The following IL1RAPL2 variants were observed in gnomAD, a reference collection of about 807,000 sequenced individuals.
IL1RAPL2 encodes interleukin 1 receptor accessory protein like 2, also known as X-linked interleukin-1 receptor accessory protein-like 2.
In IL1RAPL2, 3 loss-of-function variants were observed where a neutral mutation model predicts 44.1. That is an observed-to-expected ratio of 0.07 (90% CI 0.03 to 0.18). The LOEUF (loss-of-function observed/expected upper bound fraction) is 0.18. Among genes scored for constraint, IL1RAPL2 ranks in the 10% least tolerant of loss-of-function variants. IL1RAPL2 has a pLI of 1.00. For missense variants in IL1RAPL2, 391 were observed against 496.4 expected (o/e 0.79, Z 2.02); for synonymous variants, 181 against 178.8 (o/e 1.01, Z -0.10).
intron 1 of IL1RAPL2, among the ~76,000 whole-genome samples, chrX:104,639,880 TGACTAGATGCTTTTA>T (rs1929900078): frequency 8.9e-6 from 1 of 111,941 alleles, no homozygotes; most frequent in Non-Finnish European, 1.9e-5. Context: ...TTCTTATAAA[TGACTAGATGCTTTTA>T]TTTTGTTGTT....
intron 2 of IL1RAPL2, among the ~76,000 whole-genome samples, chrX:104,723,585 T>TA (rs758782669): frequency 1.8e-5 from 2 of 110,549 alleles, no homozygotes; most frequent in African/African-American, 3.3e-5. Context: ...GGAGAGCTGG[T>TA]ACCCTTGAAT....
At chrX:105,281,034 C>G (rs1377608545) in intron 5 of IL1RAPL2, among the ~76,000 whole-genome samples, 3 of 111,413 alleles carry the variant, frequency 2.7e-5, no homozygotes, top group Non-Finnish European at 5.7e-5. Context: ...AAATGTCCAG[C>G]AATGATAGAC....
At chrX:104,673,401 T>C (rs991126834) in intron 2 of IL1RAPL2, among the ~76,000 whole-genome samples, 2 of 111,144 alleles carry the variant, frequency 1.8e-5, no homozygotes, top group African/African-American at 3.3e-5. Flanking sequence ...AAAGATCAGA[T>C]AGTTGTAGAT....
chrX:105,746,879 G>A (rs1168028263), intron 8 of IL1RAPL2, among the ~76,000 whole-genome samples: 1 of 111,853 alleles, frequency 8.9e-6, no homozygotes, highest in Non-Finnish European at 1.9e-5. Context: ...ATAGCATAAA[G>A]TGAACATCTT....
At chrX:104,795,720 C>T (rs1452453526) in intron 2 of IL1RAPL2, among the ~76,000 whole-genome samples, 1 of 111,540 alleles carries the variant, frequency 9.0e-6, no homozygotes, top group Non-Finnish European at 1.9e-5. Context: ...CACTTCTACT[C>T]CTACTGCTGG....
intron 2 of IL1RAPL2, among the ~76,000 whole-genome samples, chrX:104,925,923 T>G (rs1047573588): frequency 1.8e-5 from 2 of 112,121 alleles, no homozygotes; most frequent in Non-Finnish European, 3.8e-5. Flanking sequence ...TTTTTGCAGA[T>G]AACATGATTC....
intron 1 of IL1RAPL2, among the ~76,000 whole-genome samples, chrX:104,618,601 T>C (rs1385429247): frequency 2.7e-5 from 3 of 111,006 alleles, no homozygotes; most frequent in Non-Finnish European, 5.7e-5. Flanking sequence ...CCAATATTTC[T>C]GCAAAGGAGG....
intron 6 of IL1RAPL2, among the ~76,000 whole-genome samples, chrX:105,683,092 A>G (rs1005483275): frequency 8.9e-6 from 1 of 112,387 alleles, no homozygotes; most frequent in African/African-American, 3.2e-5. Context: ...GACATTATAC[A>G]GACAACATAA....
intron 5 of IL1RAPL2, among the ~76,000 whole-genome samples, chrX:105,269,623 A>G (rs1447495891): frequency 1.8e-5 from 2 of 111,561 alleles, no homozygotes; most frequent in Non-Finnish European, 3.8e-5. Flanking sequence ...TTTCTTCAAC[A>G]TGAACTAGAC....
chrX:105,645,852 G>C (rs1052335101), intron 6 of IL1RAPL2, among the ~76,000 whole-genome samples: 1 of 111,804 alleles, frequency 8.9e-6, no homozygotes, highest in African/African-American at 3.3e-5. Context: ...TGGGTAATCT[G>C]TGGCCTTGGC....
intron 2 of IL1RAPL2, among the ~76,000 whole-genome samples, chrX:104,972,164 G>A (rs2030249826): frequency 9.0e-6 from 1 of 111,658 alleles, no homozygotes; most frequent in African/African-American, 3.3e-5. Context: ...AGATTAGGCA[G>A]TTGTTTTTCC....
rs909852145 is a variant in IL1RAPL2 at position 105,041,515 on chromosome X, C to A, written c.83-153960C>A. ...CCCATTATTCATGTGTGGGAGTCTA[C>A]CAAGGGACGTGAAGGACCTCTTCAA... On this transcript the variant is annotated intron_variant, in intron 2 of 10. Transcript: ENST00000372582. 7.3e-5 allele frequency among the ~76,000 whole-genome samples: 8 copies of A among 109,475 alleles called. No individual in the cohort carries two copies. In the Admixed American group the frequency reaches 7.9e-4, roughly 11 times the overall value.
At chrX:105,117,228 T>C (rs1184412085) in intron 2 of IL1RAPL2, among the ~76,000 whole-genome samples, 4 of 112,398 alleles carry the variant, frequency 3.6e-5, no homozygotes. Context: ...GATTGGATTG[T>C]GCAGTTGTTT....
At chrX:105,644,614 T>G (rs2037592781) in intron 6 of IL1RAPL2, among the ~76,000 whole-genome samples, 1 of 111,393 alleles carries the variant, frequency 9.0e-6, no homozygotes, top group African/African-American at 3.3e-5. Context: ...TTTTCTTATT[T>G]TTTTTAATTA....
intron 6 of IL1RAPL2, among the ~76,000 whole-genome samples, chrX:105,648,078 T>C (rs1569461643): frequency 8.9e-6 from 1 of 111,977 alleles, no homozygotes; most frequent in African/African-American, 3.2e-5. Flanking sequence ...GGAAGAATTA[T>C]GATAATGTAG....
At chrX:104,867,273 G>A (rs947008822) in intron 2 of IL1RAPL2, among the ~76,000 whole-genome samples, 7 of 105,499 alleles carry the variant, frequency 6.6e-5, no homozygotes, top group African/African-American at 2.1e-4. Flanking sequence ...GTATAGCCAT[G>A]TAACAACAAC....
chrX:104,646,655 A>G (rs1405419861), intron 1 of IL1RAPL2, among the ~76,000 whole-genome samples: 2 of 111,804 alleles, frequency 1.8e-5, no homozygotes, highest in African/African-American at 6.5e-5. Context: ...CTGCTCTGTG[A>G]CTCTTCATTC....
At chrX:104,819,007 A>G (rs1378152628) in intron 2 of IL1RAPL2, among the ~76,000 whole-genome samples, 1 of 112,161 alleles carries the variant, frequency 8.9e-6, no homozygotes, top group Admixed American at 9.4e-5. Context: ...CAAGAGCCCA[A>G]GCTGGCTTGC....
chrX:105,318,273 GAAGT>G (rs1165857327), intron 5 of IL1RAPL2, among the ~76,000 whole-genome samples: 3 of 111,731 alleles, frequency 2.7e-5, no homozygotes, highest in African/African-American at 6.5e-5. Flanking sequence ...GCGCCAGGCA[GAAGT>G]AAGTATTTTC....
Sources: allele counts gnomAD v4.1 joint callset (sites outside exome capture counted in the v4.1 genomes callset), GRCh38; gene constraint gnomAD v4.1.1; transcripts MANE v1.5; gene names NCBI Gene and HGNC (gene_info 2026-07-23, HGNC 2026-07-21).